The following LPCAT1 variants were observed in gnomAD, a reference collection of about 807,000 sequenced individuals.
The protein encoded by LPCAT1 is 1-acylglycerol-3-phosphate O-acyltransferase.
Under a neutral mutation model 60.9 loss-of-function variants are expected in LPCAT1, and 23 were observed. That is an observed-to-expected ratio of 0.38 (90% CI 0.27 to 0.53). LPCAT1 has a LOEUF of 0.53. LPCAT1 is among the 20% of genes least tolerant of loss of function. LPCAT1 has a pLI of 0.82. For synonymous variants in LPCAT1, 340 were observed against 301.1 expected, an observed-to-expected ratio of 1.13 and a Z score of -1.34; for missense variants, 622 against 723.6, an observed-to-expected ratio of 0.86 and a Z score of 1.61.
rs1236743269 is a variant in LPCAT1 at position 1,463,083 on chromosome 5, T to C, written c.*568A>G. 2 of 152,286 alleles carry C rather than the reference T, an allele frequency of 1.3e-5. No individual in the cohort carries two copies. The highest frequency in any genetic ancestry group is 2.9e-5 in the Non-Finnish European group (2 of 68,072). The allele number at this position is 152,286 out of a possible 1,614,324, so 9.4% of individuals were successfully genotyped here. Reference sequence around the variant, plus strand: ...AATGAAGTAGAAAAACAATTTTCATTTTTTAAAAAATGCTGCATGTTTCCT... The same window carrying C: ...AATGAAGTAGAAAAACAATTTTCATCTTTTAAAAAATGCTGCATGTTTCCT... On this transcript the variant is annotated 3_prime_UTR_variant, in exon 14 of 14. Transcript: ENST00000283415.
Position 1,495,260 on chromosome 5 carries a change from C to G in LPCAT1, c.279-346G>C, listed in dbSNP as rs952159438. 6.6e-6 allele frequency among the ~76,000 whole-genome samples: 1 copy of G among 151,876 alleles called. No homozygotes were observed. The highest frequency in any genetic ancestry group is 2.4e-5 in the African/African-American group (1 of 41,298). ...GACCTCCGGACCTTCATGTTAGCAA[C>G]TTATTTATCAGCATCCTATCATTTT... On this transcript the variant is annotated intron_variant, in intron 2 of 13. Coordinates refer to ENST00000283415, the MANE Select transcript of LPCAT1 (RefSeq NM_024830.5). The surrounding 1 kb of genome is among the most constrained non-coding windows in gnomAD (Gnocchi z 4.7).
chr5:1,495,021 C>T lies in LPCAT1; in HGVS notation c.279-107G>A. 9.7e-7 allele frequency: 1 copy of T among 1,033,570 alleles called. No homozygotes were observed. The highest frequency in any genetic ancestry group is 2.6e-5 in the East Asian group (1 of 37,986). 64.0% of individuals were successfully genotyped at this position (1,033,570 alleles called of 1,614,324 possible). A position where few individuals can be genotyped will look rare whatever the true frequency, so the allele number is the denominator to read the frequency against. ...AGAGCCCTCCAGGGCGCAGTCCAGG[C>T]CACGGGCTTCCTGTGGTCGCCGCCG... On this transcript the variant is annotated intron_variant, in intron 2 of 13. Coordinates refer to ENST00000283415, the MANE Select transcript of LPCAT1 (RefSeq NM_024830.5). The surrounding 1 kb of genome is among the most constrained non-coding windows in gnomAD (Gnocchi z 4.7).
At chr5:1,475,419 G>T (rs919003405) in intron 9 of LPCAT1, among the ~76,000 whole-genome samples, 1 of 152,026 alleles carries the variant, frequency 6.6e-6, no homozygotes, top group Non-Finnish European at 1.5e-5. Flanking sequence ...ACCCACCTCC[G>T]CCAGCCACAC....
At chr5:1,491,561 G>A (rs56774583) in intron 3 of LPCAT1, among the ~76,000 whole-genome samples, 1,638 of 152,280 alleles carry the variant, frequency 0.011, 33 homozygotes, top group African/African-American at 0.035. Flanking sequence ...TGGGTTGCCC[G>A]GTGTGCCTTT....
chr5:1,523,756 T>C lies in LPCAT1; in HGVS notation c.89A>G (p.Asn30Ser). 8.6e-7 allele frequency: 1 copy of C among 1,162,658 alleles called. No homozygotes were observed. The highest frequency in any genetic ancestry group is 1.1e-6 in the Non-Finnish European group (1 of 937,796). 72.0% of individuals were successfully genotyped at this position (1,162,658 alleles called of 1,614,324 possible). ...DARLLAPPGR[N>S]PFVHELRLSA... The stretch of plus-strand genomic sequence containing the variant: ...GAGGCGCAGCTCGTGCACGAAGGGG[T>C]TCCGCCCCGGGGGCGCCAGCAGCCG... The change falls in exon 1 of 14, where the codon AAC (asparagine) becomes AGC (serine). Residue 30 changes from asparagine (N) to serine (S), a missense_variant. Around this residue, in one of 3 missense-constraint regions of LPCAT1, gnomAD observed 125 missense variants for 114.5 expected, o/e 1.09. Transcript: ENST00000283415. This position sits in a 1 kb window ranked among gnomAD's most constrained non-coding sequence, Gnocchi z 7.1.
Position 1,463,660 on chromosome 5 carries a change from C to T in LPCAT1, c.1596G>A (p.Lys532=), listed in dbSNP as rs1734200801. Residue 532 remains lysine (K), a synonymous_variant, in exon 14 of 14, where the codon AAG becomes AAA. Coordinates refer to ENST00000283415, the MANE Select transcript of LPCAT1 (RefSeq NM_024830.5). The stretch of plus-strand genomic sequence containing the variant: ...TCCGCAACCCTGGGTCCTAATCCAG[C>T]TTCTTGCGAACAGGCTTCCGCCCAG... ...SDAGRKPVRK[K]LD is the part of the protein sequence containing the mutation. 6.2e-7 allele frequency: 1 copy of T among 1,614,048 alleles called. No individual in the cohort carries two copies. Among genetic ancestry groups the T allele is most frequent in the Non-Finnish European group, 8.5e-7 (1 of 1,180,048 alleles).
At chr5:1,467,797 G>A (rs58459386) in intron 12 of LPCAT1, among the ~76,000 whole-genome samples, 2,101 of 152,212 alleles carry the variant, frequency 0.014, 49 homozygotes, top group African/African-American at 0.047. Flanking sequence ...CCAACCCCTG[G>A]GCTCCCTCAG....
chr5:1,471,022 C>T, intron 11 of LPCAT1, 98 bp from the exon 12 acceptor site: 1 of 887,268 alleles, frequency 1.1e-6, no homozygotes, highest in Non-Finnish European at 1.8e-6. Flanking sequence ...AAAGGCCAGT[C>T]CCACTCTCAC....
Position 1,480,370 on chromosome 5 carries a change from G to A in LPCAT1, c.761+572C>T. The A allele has an allele frequency of 6.1e-6, 6 of 985,310 alleles. No homozygotes were observed. The highest frequency in any genetic ancestry group is 7.2e-6 in the Non-Finnish European group (6 of 829,898). 61.0% of individuals were successfully genotyped at this position (985,310 alleles called of 1,614,324 possible). A position where few individuals can be genotyped will look rare whatever the true frequency, so the allele number is the denominator to read the frequency against. On this transcript the variant is annotated intron_variant, in intron 7 of 13. Coordinates refer to ENST00000283415, the MANE Select transcript of LPCAT1 (RefSeq NM_024830.5). This position sits in a 1 kb window ranked among gnomAD's most constrained non-coding sequence, Gnocchi z 6.4. ...GCCTGGAATGGAGCTGCTCTCTCTTGGACTTTCCCGCTCCCTCTGCCCTCC... is the reference window on the plus strand; with the variant it reads ...GCCTGGAATGGAGCTGCTCTCTCTTAGACTTTCCCGCTCCCTCTGCCCTCC...
chr5:1,465,854 G>T (rs1322992844), intron 13 of LPCAT1, among the ~76,000 whole-genome samples: 3 of 148,022 alleles, frequency 2.0e-5, no homozygotes, highest in Non-Finnish European at 3.0e-5. Flanking sequence ...TAACACACGT[G>T]CACTTTCAGT....
Position 1,468,932 on chromosome 5 carries a change from A to G in LPCAT1, c.1278+1894T>C, listed in dbSNP as rs564598484. Among the ~76,000 whole-genome samples, 4 of 152,302 alleles carry G rather than the reference A, an allele frequency of 2.6e-5. No homozygotes were observed. In the South Asian group the frequency reaches 6.2e-4, roughly 24 times the overall value. On this transcript the variant is annotated intron_variant, in intron 12 of 13. Coordinates refer to ENST00000283415, the MANE Select transcript of LPCAT1 (RefSeq NM_024830.5). ...CTTCCTGCTACATGCAGTCCCCCCA[A>G]AATGTGCCAGGCTCCCAGAGCAGCA...
At position 1,480,497 on chromosome 5, in the gene LPCAT1, T is replaced by C. The variant is rs560568478; in HGVS notation, c.761+445A>G. 2.6e-5 allele frequency: 10 copies of C among 380,026 alleles called. No individual in the cohort carries two copies. Among genetic ancestry groups the C allele is most frequent in the African/African-American group, 2.2e-4 (10 of 45,658 alleles). The allele number at this position is 380,026 out of a possible 1,614,324, so 23.5% of individuals were successfully genotyped here. A position where few individuals can be genotyped will look rare whatever the true frequency, so the allele number is the denominator to read the frequency against. ...CCCGTTTCCGTGGGGTTGTTCATTG[T>C]TGCATAACTGACCTTCGGTGTCTCT... On this transcript the variant is annotated intron_variant, in intron 7 of 13. Transcript: ENST00000283415. The surrounding 1 kb of genome is among the most constrained non-coding windows in gnomAD (Gnocchi z 6.4).
At position 1,494,892 on chromosome 5, in the gene LPCAT1, C is replaced by T. The variant is rs1735726398; in HGVS notation, c.301G>A (p.Ala101Thr). The change falls in exon 3 of 14, where the codon GCC becomes ACC. Residue 101 changes from alanine (A) to threonine (T), a missense_variant. By Grantham distance (58) the Ala-to-Thr change is moderately conservative. Coordinates refer to ENST00000283415, the MANE Select transcript of LPCAT1 (RefSeq NM_024830.5). The stretch of plus-strand genomic sequence containing the variant: ...GCGAACCACATGGTGCGCATGATGG[C>T]CTTCAGCAGGAAGTCCACAACCCTG... ...WRKVVDFLLK[A>T]IMRTMWFAGG... 1 of 1,611,568 alleles carries T rather than the reference C, an allele frequency of 6.2e-7. No homozygotes were observed. The highest frequency in any genetic ancestry group is 1.3e-5 in the African/African-American group (1 of 74,888).
At chr5:1,485,662 C>T (rs963501947) in intron 5 of LPCAT1, among the ~76,000 whole-genome samples, 3 of 152,214 alleles carry the variant, frequency 2.0e-5, no homozygotes, top group East Asian at 3.8e-4. Context: ...AAACAGTCCA[C>T]CATGGCCCAG....
chr5:1,474,767 T>G, intron 9 of LPCAT1, 82 bp from the exon 10 acceptor site: 1 of 1,527,100 alleles, frequency 6.5e-7, no homozygotes, highest in South Asian at 1.2e-5. Flanking sequence ...CGCCGATGGC[T>G]CAGGGGAGAG....
chr5:1,503,732 TC>T (rs1394708981), intron 1 of LPCAT1, among the ~76,000 whole-genome samples: 5 of 151,854 alleles, frequency 3.3e-5, no homozygotes, highest in African/African-American at 1.2e-4. Flanking sequence ...GTTTATAGAG[TC>T]CCTTTTTTTT....
chr5:1,507,748 A>G (rs1462715087), intron 1 of LPCAT1, among the ~76,000 whole-genome samples: 1 of 152,210 alleles, frequency 6.6e-6, no homozygotes, highest in Non-Finnish European at 1.5e-5. Context: ...CGTGACAGGG[A>G]TCCAGCAACA....
Position 1,521,864 on chromosome 5 carries a change from GCACTCTGGCAGTGCCCTGA to G in LPCAT1, c.135+1827_135+1845del, listed in dbSNP as rs1736688178. Among the ~76,000 whole-genome samples the G allele has an allele frequency of 6.6e-6, 1 of 152,214 alleles. No individual in the cohort carries two copies. Among genetic ancestry groups the G allele is most frequent in the African/African-American group, 2.4e-5 (1 of 41,464 alleles). On this transcript the variant is annotated intron_variant, in intron 1 of 13. Transcript: ENST00000283415. This position sits in a 1 kb window ranked among gnomAD's most constrained non-coding sequence, Gnocchi z 4.3. ...CGGGGAGGAAAGCAGGCCCCTCTGG[GCACTCTGGCAGTGCCCTGA>G]CATCTGTACCTACCCATGAGAGTCT... is the stretch of plus-strand genomic sequence containing the variant.
intron 5 of LPCAT1, among the ~76,000 whole-genome samples, chr5:1,485,469 T>C (rs1167067404): frequency 6.6e-6 from 1 of 151,996 alleles, no homozygotes; most frequent in Non-Finnish European, 1.5e-5. Context: ...GGGGAGGAGG[T>C]ACGGGCTTCT....
Sources: allele counts gnomAD v4.1 joint callset (sites outside exome capture counted in the v4.1 genomes callset), GRCh38; gene constraint gnomAD v4.1.1; regional missense constraint gnomAD v4.1.1; non-coding constraint Gnocchi (gnomAD v3.1); transcripts MANE v1.5; gene names NCBI Gene and HGNC (gene_info 2026-07-23, HGNC 2026-07-21).